Variants in INF2 observed in about 807,000 individuals in gnomAD.
INF2 encodes the protein inverted formin 2.
Under a neutral mutation model 123.5 loss-of-function variants are expected in INF2, and 43 were observed. The observed-to-expected ratio is 0.35, with a 90% CI of 0.27 to 0.45. The LOEUF is 0.45. INF2 is among the 20% of genes least tolerant of loss of function. The pLI, the probability that INF2 is intolerant of heterozygous loss-of-function variation, is 1.00. For synonymous variants in INF2, 851 were observed against 745.0 expected, an observed-to-expected ratio of 1.14 and a Z score of -2.32; for missense variants, 1,453 against 1,682.7, an observed-to-expected ratio of 0.86 and a Z score of 2.39.
intron 5 of INF2, among the ~76,000 whole-genome samples, chr14:104,705,474 C>T (rs1367568477): frequency 6.6e-6 from 1 of 152,086 alleles, no homozygotes; most frequent in Non-Finnish European, 1.5e-5. Flanking sequence ...GCCTGTGCCC[C>T]ACCAGTGTGG....
chr14:104,712,206 C>A (rs1273597721), intron 16 of INF2, among the ~76,000 whole-genome samples: 1 of 152,144 alleles, frequency 6.6e-6, no homozygotes, highest in African/African-American at 2.4e-5. Context: ...TTGGGGAGAA[C>A]TAGGCAAGCA....
intron 13 of INF2, chr14:104,710,665 G>A: frequency 1.8e-6 from 1 of 559,142 alleles, no homozygotes; most frequent in Non-Finnish European, 3.2e-6. Flanking sequence ...GGGAATCCAT[G>A]GGGACCTGCC....
In INF2 at chr14:104,699,368, G is replaced by A; in HGVS notation, c.-9-1989G>A. The stretch of plus-strand genomic sequence containing the variant: ...GCCTCTTTAGGCAGCAACAGCCAAG[G>A]CGGGTGGGAATATATGCAGAGGCCC... On this transcript the variant is annotated intron_variant, in intron 1 of 22. Coordinates refer to ENST00000392634, the MANE Select transcript of INF2 (RefSeq NM_022489.4). The surrounding 1 kb of genome is among the most constrained non-coding windows in gnomAD (Gnocchi z 4.7). 1.0e-6 allele frequency: 1 copy of A among 984,554 alleles called. No individual in the cohort carries two copies. Among genetic ancestry groups the A allele is most frequent in the Non-Finnish European group, 1.2e-6 (1 of 829,172 alleles). The allele number at this position is 984,554 out of a possible 1,614,324, so 61.0% of individuals were successfully genotyped here. A position where few individuals can be genotyped will look rare whatever the true frequency, so the allele number is the denominator to read the frequency against.
In INF2 at chr14:104,703,385, G is replaced by A. The variant is rs377272716; in HGVS notation, c.598G>A (p.Val200Met). 15 of 1,612,866 alleles carry A rather than the reference G, an allele frequency of 9.3e-6. No homozygotes were observed. In the African/African-American group the frequency reaches 1.1e-4, roughly 11 times the overall value. The change falls in exon 4 of 23, where the codon GTG (valine) becomes ATG (methionine). Residue 200 changes from valine (V) to methionine (M), a missense_variant. This residue lies in a region of INF2 where 251 missense variants were observed against 349.4 expected (regional missense o/e 0.72). Transcript: ENST00000392634. ...NVPYVVTLLS[V>M]INAVILGPED... is the part of the protein sequence containing the mutation. Reference sequence around the variant, plus strand: ...GCCCTACGTGGTCACCCTGCTTAGCGTGATCAACGCCGTCATCTTGGGCCC... The same window carrying A: ...GCCCTACGTGGTCACCCTGCTTAGCATGATCAACGCCGTCATCTTGGGCCC...
upstream of INF2, chr14:104,689,357 C>T: frequency 1.4e-6 from 1 of 722,886 alleles, no homozygotes; most frequent in Non-Finnish European, 1.7e-6. Flanking sequence ...GGAGACGGCC[C>T]CGATCTGCGC....
At chr14:104,696,215 C>T (rs974695750) in intron 1 of INF2, among the ~76,000 whole-genome samples, 3 of 152,242 alleles carry the variant, frequency 2.0e-5, no homozygotes, top group Non-Finnish European at 2.9e-5. Context: ...GCCCTCTTTG[C>T]ACAACAAGCG....
chr14:104,708,066 G>A, intron 8 of INF2, 64 bp downstream of exon 8: 3 of 1,595,548 alleles, frequency 1.9e-6, no homozygotes, highest in Non-Finnish European at 2.5e-6. Flanking sequence ...CTGCTGGGGA[G>A]AGGGGCAGGT....
At chr14:104,713,127 T>C (rs1039191605) in intron 18 of INF2, 80 bp from the exon 19 acceptor site, 16 of 1,603,878 alleles carry the variant, frequency 1.0e-5, no homozygotes, top group Non-Finnish European at 1.4e-5. Context: ...CTGCTGCGGC[T>C]CAGGGAGGGG....
upstream of INF2, among the ~76,000 whole-genome samples, chr14:104,689,054 G>A: frequency 6.6e-6 from 1 of 152,236 alleles, no homozygotes; most frequent in South Asian, 2.1e-4. Flanking sequence ...GCCCAAGACC[G>A]CCGAGACCCC....
In INF2 at chr14:104,712,467, T is replaced by C. The variant is rs1469566514; in HGVS notation, c.2524T>C (p.Ser842Pro). ...GGAGATCATCCGCTCAGAGGCCAGC[T>C]CCAACCTGAAGAAGCTTCTGGAGAC... ...NLEIIRSEAS[S>P]NLKKLLETER... is the part of the protein sequence containing the mutation. The change falls in exon 17 of 23, where the codon TCC (serine) becomes CCC (proline). Residue 842 changes from serine (S) to proline (P), a missense_variant. Physicochemically the swap from Ser to Pro is moderately conservative, Grantham distance 74. Coordinates refer to ENST00000392634, the MANE Select transcript of INF2 (RefSeq NM_022489.4). The C allele has an allele frequency of 6.2e-7, 1 of 1,612,634 alleles. No individual in the cohort carries two copies. Among genetic ancestry groups the C allele is most frequent in the Non-Finnish European group, 8.5e-7 (1 of 1,179,810 alleles).
chr14:104,717,222 C>A (rs938348073), intron 22 of INF2, among the ~76,000 whole-genome samples: 8 of 151,530 alleles, frequency 5.3e-5, no homozygotes, highest in South Asian at 2.1e-4. Flanking sequence ...CTTCCTCAGT[C>A]CCCCCCGGGC....
intron 22 of INF2, among the ~76,000 whole-genome samples, chr14:104,716,713 C>T (rs542875719): frequency 2.6e-5 from 4 of 152,056 alleles, no homozygotes; most frequent in African/African-American, 7.2e-5. Context: ...TTTTTCAAGA[C>T]GGAGTCTCAC....
In INF2 at chr14:104,706,193, A is replaced by C. The variant is rs1166412662; in HGVS notation, c.843+17A>C. 1.9e-6 allele frequency: 3 copies of C among 1,551,054 alleles called. No homozygotes were observed. The Admixed American group carries it at 5.8e-5, about 30-fold the overall frequency. On this transcript the variant is annotated intron_variant, in intron 6 of 22. Transcript: ENST00000392634. ...TTCCACAAGGTGGGCTGGGGGCTGCAGGGCGGAGGGCAGCCCTCCAGGGCA... is the reference window on the plus strand; with the variant it reads ...TTCCACAAGGTGGGCTGGGGGCTGCCGGGCGGAGGGCAGCCCTCCAGGGCA...
chr14:104,702,155 G>A (rs1435071773), intron 2 of INF2, among the ~76,000 whole-genome samples: 1 of 152,074 alleles, frequency 6.6e-6, no homozygotes, highest in Admixed American at 6.6e-5. Flanking sequence ...CACCTGCCTA[G>A]CTCCAAGCCC....
intron 17 of INF2, 27 bp from the exon 18 acceptor site, chr14:104,712,801 G>A (rs748500104): frequency 2.2e-5 from 35 of 1,589,614 alleles, no homozygotes; most frequent in East Asian, 9.0e-5. Flanking sequence ...GGGCTCTCAC[G>A]GGACTGTCAC....
chr14:104,687,167 A>G (rs1175862572), upstream of INF2, among the ~76,000 whole-genome samples: 3 of 152,134 alleles, frequency 2.0e-5, no homozygotes, highest in African/African-American at 4.8e-5. The surrounding 1 kb of genome is among the most constrained non-coding windows in gnomAD (Gnocchi z 5.6). Context: ...AGCCGCAGGC[A>G]GTGGCTGCAG....
intron 1 of INF2, among the ~76,000 whole-genome samples, chr14:104,683,199 T>TG (rs1888572549): frequency 2.5e-5 from 1 of 40,068 alleles, no homozygotes; most frequent in Non-Finnish European, 5.5e-5. Flanking sequence ...AGGGGAGGGG[T>TG]GGAGGGGAGG....
chr14:104,707,710 A>T lies in INF2; in HGVS notation c.1443A>T (p.Pro481=). The T allele has an allele frequency of 1.2e-6, 1 of 869,132 alleles. No homozygotes were observed. The highest frequency in any genetic ancestry group is 1.5e-6 in the Non-Finnish European group (1 of 649,392). The allele number at this position is 869,132 out of a possible 1,614,324, so 53.8% of individuals were successfully genotyped here. A position where few individuals can be genotyped will look rare whatever the true frequency, so the allele number is the denominator to read the frequency against. ...CACCTCCTCTACCACCACCCCTGCC[A>T]GGCTCCTGTGAGTTCCTGCCCCCAC... ...PPAPPLPPPL[P]GSCEFLPPPP... The change falls in exon 8 of 23, where the codon CCA becomes CCT. Residue 481 remains proline, a synonymous_variant. Coordinates refer to ENST00000392634, the MANE Select transcript of INF2 (RefSeq NM_022489.4).
Position 104,716,149 on chromosome 14 carries a change from G to A in INF2, c.*1+809G>A, listed in dbSNP as rs557730890. The A allele has an allele frequency of 2.0e-5, 7 of 355,572 alleles. No homozygotes were observed. The East Asian group carries it at 4.5e-4, about 23-fold the overall frequency. The allele number at this position is 355,572 out of a possible 1,614,324, so 22.0% of individuals were successfully genotyped here. On this transcript the variant is annotated intron_variant, in intron 22 of 22. Coordinates refer to ENST00000392634, the MANE Select transcript of INF2 (RefSeq NM_022489.4). ...ATCATGAGCTCTGTGAGCCCAGGTC[G>A]TGGCGTCTTCCAGCACCTCCAGCCT...
Sources: allele counts gnomAD v4.1 joint callset (sites outside exome capture counted in the v4.1 genomes callset), GRCh38; gene constraint gnomAD v4.1.1; regional missense constraint gnomAD v4.1.1; non-coding constraint Gnocchi (gnomAD v3.1); transcripts MANE v1.5; gene names NCBI Gene and HGNC (gene_info 2026-07-23, HGNC 2026-07-21).